Variants in CADPS observed in about 807,000 individuals in gnomAD.
CADPS encodes calcium-dependent secretion activator 1.
A neutral mutation model predicts 167.3 loss-of-function variants in CADPS; 57 were observed. That is an observed-to-expected ratio of 0.34 (90% CI 0.28 to 0.42). The LOEUF (loss-of-function observed/expected upper bound fraction) is 0.42. CADPS is among the 20% of genes least tolerant of loss of function. The probability of loss-of-function intolerance (pLI) is 1.00; values close to 1 mark genes in which losing one functional copy is unlikely to be tolerated. For synonymous variants in CADPS, 676 were observed against 635.3 expected, an observed-to-expected ratio of 1.06 and a Z score of -0.96; for missense variants, 1,414 against 1,738.1, an observed-to-expected ratio of 0.81 and a Z score of 3.32.
chr3:62,852,524 CTG>C (rs2078835610), intron 1 of CADPS, among the ~76,000 whole-genome samples: 1 of 152,002 alleles, frequency 6.6e-6, no homozygotes, highest in Admixed American at 6.6e-5. Flanking sequence ...CATCATGAGA[CTG>C]TTAACAGTTC....
intron 7 of CADPS, 130 bp from the exon 8 acceptor site, chr3:62,585,454 A>C: frequency 1.2e-6 from 1 of 826,288 alleles, no homozygotes; most frequent in Non-Finnish European, 1.8e-6. Context: ...ACCTGGGGAT[A>C]GAAACACATT....
intron 8 of CADPS, among the ~76,000 whole-genome samples, chr3:62,582,749 C>T (rs185556108): frequency 6.6e-6 from 1 of 152,242 alleles, no homozygotes; most frequent in African/African-American, 2.4e-5. Flanking sequence ...AAATGGAAGT[C>T]CAGCAATATG....
intron 3 of CADPS, among the ~76,000 whole-genome samples, chr3:62,731,821 A>C (rs2077911263): frequency 1.1e-5 from 1 of 88,058 alleles, no homozygotes; most frequent in Non-Finnish European, 2.1e-5. Flanking sequence ...AAAAAAAAAA[A>C]AAAAAAAAAG....
At chr3:62,716,628 T>C (rs1427582337) in intron 3 of CADPS, among the ~76,000 whole-genome samples, 1 of 152,134 alleles carries the variant, frequency 6.6e-6, no homozygotes, top group East Asian at 1.9e-4. Flanking sequence ...ACCAAACCTT[T>C]AAAAAAATGA....
At chr3:62,468,226 T>C (rs906262342) in intron 24 of CADPS, among the ~76,000 whole-genome samples, 6 of 152,138 alleles carry the variant, frequency 3.9e-5, no homozygotes, top group African/African-American at 1.4e-4. Flanking sequence ...CATTTTTAGG[T>C]CTTGAGATAA....
In CADPS at chr3:62,875,269, C is replaced by A; in HGVS notation, c.-240G>T. 3.2e-6 allele frequency: 1 copy of A among 309,128 alleles called. No homozygotes were observed. Among genetic ancestry groups the A allele is most frequent in the Non-Finnish European group, 5.7e-6 (1 of 173,932 alleles). 19.1% of individuals were successfully genotyped at this position (309,128 alleles called of 1,614,324 possible). On this transcript the variant is annotated 5_prime_UTR_variant, in exon 1 of 30. Coordinates refer to ENST00000383710, the MANE Select transcript of CADPS (RefSeq NM_003716.4). The stretch of plus-strand genomic sequence containing the variant: ...GAAGGGAGAGGTGCGTCCGTGGACT[C>A]GAGGTGGGCAAGGGGGAGAATCAAT...
At chr3:62,639,130 G>C (rs144609723) in intron 6 of CADPS, among the ~76,000 whole-genome samples, 458 of 152,274 alleles carry the variant, frequency 3.0e-3, no homozygotes, top group Non-Finnish European at 4.5e-3. Context: ...AGGCAGTACA[G>C]TGTCTGAGCA....
chr3:62,864,144 T>C (rs1458781551), intron 1 of CADPS, among the ~76,000 whole-genome samples: 1 of 152,164 alleles, frequency 6.6e-6, no homozygotes, highest in Non-Finnish European at 1.5e-5. Context: ...AGGTAATGAG[T>C]TGATTTACAT....
At chr3:62,506,614 T>C (rs2066736138) in intron 17 of CADPS, among the ~76,000 whole-genome samples, 1 of 152,214 alleles carries the variant, frequency 6.6e-6, no homozygotes, top group African/African-American at 2.4e-5. Flanking sequence ...TGTCCTTGTA[T>C]GTGCAAGAAC....
chr3:62,673,131 C>T (rs1355866883), intron 3 of CADPS, among the ~76,000 whole-genome samples: 2 of 152,228 alleles, frequency 1.3e-5, no homozygotes, highest in African/African-American at 4.8e-5. Flanking sequence ...AAGACCTTGT[C>T]TGTCTTGTTC....
At position 62,555,829 on chromosome 3, in the gene CADPS, CTCCTAGGCTCAAGCAA is replaced by C. The variant is rs559860615; in HGVS notation, c.1753+1560_1753+1575del. Among the ~76,000 whole-genome samples the C allele has an allele frequency of 2.4e-4, 37 of 152,278 alleles. No homozygotes were observed. The South Asian group carries it at 3.9e-3, about 16-fold the overall frequency. On this transcript the variant is annotated intron_variant, in intron 10 of 29. Coordinates refer to ENST00000383710, the MANE Select transcript of CADPS (RefSeq NM_003716.4). Reference sequence around the variant, plus strand: ...AATCATAGCTTATTGCTGCCTCCAACTCCTAGGCTCAAGCAATCCTCCCACCTTAGCCTCCCTAGTA... The same window carrying C: ...AATCATAGCTTATTGCTGCCTCCAACTCCTCCCACCTTAGCCTCCCTAGTA...
intron 2 of CADPS, among the ~76,000 whole-genome samples, chr3:62,761,689 A>C (rs1189706375): frequency 6.6e-6 from 1 of 151,882 alleles, no homozygotes; most frequent in East Asian, 1.9e-4. Flanking sequence ...GGTGAGTGTG[A>C]GGAGGGAGGG....
intron 8 of CADPS, among the ~76,000 whole-genome samples, chr3:62,576,323 C>T (rs2082251923): frequency 2.0e-5 from 3 of 152,186 alleles, no homozygotes; most frequent in Non-Finnish European, 4.4e-5. Flanking sequence ...CTTAGCTGCC[C>T]TGTGCCTCAG....
chr3:62,821,079 G>T (rs981493059), intron 1 of CADPS, among the ~76,000 whole-genome samples: 1 of 152,112 alleles, frequency 6.6e-6, no homozygotes, highest in African/African-American at 2.4e-5. Context: ...GATTACAGGC[G>T]TAAGCCACTA....
chr3:62,486,195 C>T (rs1043068753), intron 21 of CADPS, among the ~76,000 whole-genome samples: 1 of 152,046 alleles, frequency 6.6e-6, no homozygotes, highest in African/African-American at 2.4e-5. Flanking sequence ...GCCTGTGATC[C>T]CAGCACTTTG....
Position 62,770,614 on chromosome 3 carries a change from T to A in CADPS, c.442-4630A>T, listed in dbSNP as rs1297421685. Reference sequence around the variant, plus strand: ...CTAATTTTTGTATTTTTAGTAAAGATGGGGTTTTGCCATGTTGATCAGGCT... The same window carrying A: ...CTAATTTTTGTATTTTTAGTAAAGAAGGGGTTTTGCCATGTTGATCAGGCT... On this transcript the variant is annotated intron_variant, in intron 1 of 29. Coordinates refer to ENST00000383710, the MANE Select transcript of CADPS (RefSeq NM_003716.4). 2.0e-5 allele frequency among the ~76,000 whole-genome samples: 3 copies of A among 152,114 alleles called. No individual in the cohort carries two copies. In the East Asian group the frequency reaches 5.8e-4, roughly 29 times the overall value.
intron 7 of CADPS, among the ~76,000 whole-genome samples, chr3:62,591,951 T>C (rs2086143221): frequency 6.6e-6 from 1 of 152,212 alleles, no homozygotes; most frequent in African/African-American, 2.4e-5. Context: ...AAAAATCTGT[T>C]TATAATGAAC....
intron 11 of CADPS, among the ~76,000 whole-genome samples, chr3:62,548,883 G>A (rs1418022066): frequency 6.6e-6 from 1 of 152,166 alleles, no homozygotes; most frequent in Non-Finnish European, 1.5e-5. Context: ...CATTCTTCAT[G>A]GTATTTACCA....
At chr3:62,732,274 C>T (rs1327265146) in intron 3 of CADPS, among the ~76,000 whole-genome samples, 6 of 152,192 alleles carry the variant, frequency 3.9e-5, no homozygotes, top group Non-Finnish European at 2.9e-5. Context: ...CCTGTGACTG[C>T]TGTACTGCAA....
Sources: gnomAD v4.1 joint callset for allele counts (sites outside exome capture counted in the v4.1 genomes callset) on GRCh38, gnomAD v4.1.1 for gene constraint, MANE v1.5 for transcripts, NCBI Gene and HGNC (gene_info 2026-07-23, HGNC 2026-07-21) for gene names.